Variants in PLCH2 observed in about 807,000 individuals in gnomAD.
The protein encoded by PLCH2 is 1-phosphatidylinositol 4,5-bisphosphate phosphodiesterase eta-2.
Under a neutral mutation model 134.7 loss-of-function variants are expected in PLCH2, and 98 were observed. The ratio of observed to expected loss-of-function variants is 0.73; its 90% CI spans 0.62 to 0.86. The LOEUF (loss-of-function observed/expected upper bound fraction) is 0.86, where lower values mean the gene tolerates loss of function less well. PLCH2 is among the 40% of genes least tolerant of loss of function. The pLI, the probability that PLCH2 is intolerant of heterozygous loss-of-function variation, is 0.00. For missense variants in PLCH2, 1,994 were observed against 1,986.6 expected, an observed-to-expected ratio of 1.00 and a Z score of -0.07; for synonymous variants, 974 against 827.5, an observed-to-expected ratio of 1.18 and a Z score of -3.04.
rs2477705 is a variant in PLCH2, at chr1:2,497,280, C to T, written c.2117-222C>T. Among the ~76,000 whole-genome samples the T allele has an allele frequency of 0.01, 1,551 of 152,332 alleles. 27 individuals carry two copies. Among genetic ancestry groups the T allele is most frequent in the African/African-American group, 0.035 (1,454 of 41,572 alleles). ...ACCTACTCCCAGGGATACCTGCCTG[C>T]GAGGCTGGCTGCGCCAGCTCCGGGG... On this transcript the variant is annotated intron_variant, in intron 15 of 21. Coordinates refer to ENST00000378486, the MANE Select transcript of PLCH2 (RefSeq NM_014638.4).
At chr1:2,425,628 C>T (rs368814683), upstream of PLCH2, among the ~76,000 whole-genome samples, 2 of 151,934 alleles carry the variant, frequency 1.3e-5, no homozygotes, top group Non-Finnish European at 2.9e-5. Context: ...ATTCTCCTGC[C>T]TCAGACCCCC....
rs1643040118 is a variant in PLCH2, at chr1:2,498,744, A to G, written c.2350A>G (p.Ile784Val). 1.9e-6 allele frequency: 3 copies of G among 1,608,352 alleles called. No homozygotes were observed. Among genetic ancestry groups the G allele is most frequent in the African/African-American group, 2.7e-5 (2 of 74,778 alleles). Reference protein sequence around the residue: ...RDSMLGDRGEIIDPFVEVEII... With the variant: ...RDSMLGDRGEVIDPFVEVEII... ...TGCCACCCCCACTCCTGTGTCCCAG[A>G]TCATCGACCCCTTTGTGGAGGTGGA... The change falls in exon 18 of 22, where the codon ATC becomes GTC. Residue 784 changes from isoleucine to valine, a missense_variant and splice_region_variant. By Grantham distance (29) the Ile-to-Val change is conservative. Around this residue, in one of 2 missense-constraint regions of PLCH2, gnomAD observed 1,094 missense variants for 1,234.3 expected, o/e 0.89. Transcript: ENST00000378486. The surrounding 1 kb of genome is among the most constrained non-coding windows in gnomAD (Gnocchi z 5.4).
In PLCH2 at chr1:2,440,880, C is replaced by T. The variant is rs550623935; in HGVS notation, c.115+10251C>T. On this transcript the variant is annotated intron_variant, in intron 2 of 3. Transcript: ENST00000609981. The stretch of plus-strand genomic sequence containing the variant: ...TGTCCCTGGGTCCCTGGTGCTTGGC[C>T]ACGTCCCCCCGGGAACGGAAGGCTG... Among the ~76,000 whole-genome samples, 77 of 152,334 alleles carry T rather than the reference C, an allele frequency of 5.1e-4. 1 individual carries two copies. The highest frequency in any genetic ancestry group is 1.8e-3 in the African/African-American group (74 of 41,564).
At chr1:2,469,795 G>A (rs1222503769) in intron 1 of PLCH2, among the ~76,000 whole-genome samples, 1 of 152,214 alleles carries the variant, frequency 6.6e-6, no homozygotes, top group Non-Finnish European at 1.5e-5. Flanking sequence ...CCCGTGTGGG[G>A]GCAGGGTGGA....
In PLCH2 at chr1:2,497,535, T is replaced by C; in HGVS notation, c.2150T>C (p.Leu717Pro). ...ALNYQSEGRM[L>P]QLNRAKFSAN... ...AACTACCAGTCAGAGGGGCGGATGCTGCAGCTGAACCGAGCCAAGTTCAGC... is the reference window on the plus strand; with the variant it reads ...AACTACCAGTCAGAGGGGCGGATGCCGCAGCTGAACCGAGCCAAGTTCAGC... Residue 717 changes from leucine (L) to proline (P), a missense_variant, in exon 16 of 22, where the codon CTG becomes CCG. By Grantham distance (98) the Leu-to-Pro change is moderately conservative. Transcript: ENST00000378486. 1 of 1,560,144 alleles carries C rather than the reference T, an allele frequency of 6.4e-7. No homozygotes were observed.
At chr1:2,460,960 C>G (rs1640777828) in intron 2 of PLCH2, among the ~76,000 whole-genome samples, 1 of 152,204 alleles carries the variant, frequency 6.6e-6, no homozygotes, top group African/African-American at 2.4e-5. Flanking sequence ...GGGTGCCAGC[C>G]TGGTGGCGTG....
At chr1:2,426,411 C>A (rs982192887) in intron 1 of PLCH2, among the ~76,000 whole-genome samples, 4 of 152,224 alleles carry the variant, frequency 2.6e-5, no homozygotes, top group Non-Finnish European at 4.4e-5. Context: ...TCCGGGGTGT[C>A]CCCCACCCCA....
rs1295329497 is a variant in PLCH2, at chr1:2,498,575, G to C, written c.2277G>C (p.Gln759His). ...CCCTGCCCGGGCAGCTCAAGAAGCA[G>C]CTGGTGCTCCGGATCATCAGTGGCC... ...EDPLPGQLKK[Q>H]LVLRIISGQQ... The change falls in exon 17 of 22, where the codon CAG (glutamine) becomes CAC (histidine). Residue 759 changes from glutamine (Q) to histidine (H), a missense_variant. This residue lies in a region of PLCH2 where 1,094 missense variants were observed against 1,234.3 expected (regional missense o/e 0.89). Transcript: ENST00000378486. The surrounding 1 kb of genome is among the most constrained non-coding windows in gnomAD (Gnocchi z 5.4). 2 of 1,604,970 alleles carry C rather than the reference G, an allele frequency of 1.2e-6. No individual in the cohort carries two copies. Among genetic ancestry groups the C allele is most frequent in the Non-Finnish European group, 1.7e-6 (2 of 1,177,630 alleles).
At position 2,502,391 on chromosome 1, in the gene PLCH2, G is replaced by A. The variant is rs565701192; in HGVS notation, c.2941G>A (p.Gly981Ser). 1.1e-4 allele frequency: 165 copies of A among 1,543,266 alleles called. No homozygotes were observed. The highest frequency in any genetic ancestry group is 1.3e-4 in the Non-Finnish European group (153 of 1,145,602). The part of the protein sequence containing the change: ...APEAPAQEGP[G>S]SGSPRDTRPL... ...GGAAGCCCCAGCCCAGGAGGGGCCC[G>A]GCAGCGGCAGCCCCCGAGGTAAGGC... The change falls in exon 21 of 22, where the codon GGC (glycine) becomes AGC (serine). Residue 981 changes from glycine (G) to serine (S), a missense_variant. Gly to Ser is a moderately conservative substitution (Grantham distance 56). Coordinates refer to ENST00000378486, the MANE Select transcript of PLCH2 (RefSeq NM_014638.4).
chr1:2,466,249 G>A (rs965078217), upstream of PLCH2, among the ~76,000 whole-genome samples: 3 of 152,128 alleles, frequency 2.0e-5, no homozygotes, highest in Admixed American at 6.5e-5. Context: ...CCAGCCAGGC[G>A]GACACAGGCC....
upstream of PLCH2, among the ~76,000 whole-genome samples, chr1:2,423,307 C>G (rs1044876670): frequency 6.6e-6 from 1 of 152,194 alleles, no homozygotes; most frequent in Non-Finnish European, 1.5e-5. Flanking sequence ...CCTGCCTCAG[C>G]TTCCTGAGTA....
Position 2,448,113 on chromosome 1 carries a change from C to T in PLCH2, c.115+17484C>T, listed in dbSNP as rs1640024460. On this transcript the variant is annotated intron_variant, in intron 2 of 3. Coordinates refer to the PLCH2 transcript ENST00000609981. The surrounding 1 kb of genome is among the most constrained non-coding windows in gnomAD (Gnocchi z 4.0). ...GCAAAGGTGACCCTTGTCAGGAACG[C>T]TTTGCTGACAGCTGGGCTGCCCTTG... Among the ~76,000 whole-genome samples, 1 of 152,206 alleles carries T rather than the reference C, an allele frequency of 6.6e-6. No homozygotes were observed. The highest frequency in any genetic ancestry group is 1.5e-5 in the Non-Finnish European group (1 of 68,026).
chr1:2,502,693 G>A (rs1331467258), intron 21 of PLCH2: 3 of 706,972 alleles, frequency 4.2e-6, no homozygotes, highest in East Asian at 5.4e-5. Flanking sequence ...GAAGCAGAGA[G>A]GCCCCCAAGG....
chr1:2,502,378 C>T lies in PLCH2; in HGVS notation c.2928C>T (p.Ala976=), dbSNP rs1358256100. The change falls in exon 21 of 22, where the codon GCC becomes GCT. Residue 976 remains alanine (A), a synonymous_variant. Coordinates refer to ENST00000378486, the MANE Select transcript of PLCH2 (RefSeq NM_014638.4). ...PGPGPAPEAP[A]QEGPGSGSPR... ...CCGGACCTGCTCCGGAAGCCCCAGC[C>T]CAGGAGGGGCCCGGCAGCGGCAGCC... The T allele has an allele frequency of 3.2e-6, 5 of 1,543,538 alleles. No homozygotes were observed. Among genetic ancestry groups the T allele is most frequent in the South Asian group, 2.4e-5 (2 of 83,726 alleles).
At chr1:2,428,033 G>A (rs989409389) in intron 1 of PLCH2, among the ~76,000 whole-genome samples, 17 of 152,200 alleles carry the variant, frequency 1.1e-4, no homozygotes, top group Non-Finnish European at 2.5e-4. Context: ...TGCACCCTGG[G>A]CACTCGGCCC....
intron 1 of PLCH2, chr1:2,467,804 TC>T (rs2100608688): frequency 2.5e-6 from 1 of 397,880 alleles, no homozygotes; most frequent in African/African-American, 2.1e-5. Context: ...AGTGCAGAGC[TC>T]CTCCCAGCAG....
At chr1:2,432,052 C>G (rs1214755352) in intron 2 of PLCH2, among the ~76,000 whole-genome samples, 1 of 152,174 alleles carries the variant, frequency 6.6e-6, no homozygotes, top group South Asian at 2.1e-4. Context: ...GGGTCCCAGA[C>G]TGGGGGGCTT....
chr1:2,446,758 G>A (rs954020906), intron 2 of PLCH2, among the ~76,000 whole-genome samples: 2 of 152,126 alleles, frequency 1.3e-5, no homozygotes, highest in African/African-American at 4.8e-5. Flanking sequence ...CAGAGGGGTT[G>A]GGGCTGGCAG....
Position 2,497,550 on chromosome 1 carries a change from C to A in PLCH2, c.2165C>A (p.Ala722Asp). 6.4e-7 allele frequency: 1 copy of A among 1,563,532 alleles called. No individual in the cohort carries two copies. Among genetic ancestry groups the A allele is most frequent in the Non-Finnish European group, 8.7e-7 (1 of 1,154,426 alleles). ...GGGCGGATGCTGCAGCTGAACCGAG[C>A]CAAGTTCAGCGCCAACGGTGGCTGC... ...SEGRMLQLNR[A>D]KFSANGGCGY... Residue 722 changes from alanine (A) to aspartate (D), a missense_variant, in exon 16 of 22, where the codon GCC becomes GAC. By Grantham distance (126) the Ala-to-Asp change is moderately radical. Transcript: ENST00000378486.
Sources: gnomAD v4.1 joint callset for allele counts (sites outside exome capture counted in the v4.1 genomes callset) on GRCh38, gnomAD v4.1.1 for gene constraint, gnomAD v4.1.1 regional missense constraint, Gnocchi (gnomAD v3.1) non-coding constraint, MANE v1.5 for transcripts, NCBI Gene and HGNC (gene_info 2026-07-23, HGNC 2026-07-21) for gene names.